CDH18: variants seen among roughly 807,000 people sequenced by gnomAD.
CDH18 encodes cadherin 18.
Under a neutral mutation model 67.9 loss-of-function variants are expected in CDH18, and 31 were observed. The ratio of observed to expected loss-of-function variants is 0.46; its 90% CI spans 0.34 to 0.62. The LOEUF (loss-of-function observed/expected upper bound fraction) is 0.62, where lower values mean the gene tolerates loss of function less well. CDH18 is among the 20% of genes least tolerant of loss of function. The pLI is 0.01. For missense variants in CDH18, 890 were observed against 975.5 expected, an observed-to-expected ratio of 0.91 and a Z score of 1.17; for synonymous variants, 362 against 347.2, an observed-to-expected ratio of 1.04 and a Z score of -0.48.
chr5:19,677,652 T>A (rs1038387726), intron 5 of CDH18, among the ~76,000 whole-genome samples: 5 of 151,818 alleles, frequency 3.3e-5, no homozygotes, highest in Non-Finnish European at 7.4e-5. Context: ...AAGTGTATCC[T>A]GTCTTCAAGA....
At chr5:20,565,656 G>A (rs1280995692) in intron 1 of CDH18, among the ~76,000 whole-genome samples, 7 of 151,746 alleles carry the variant, frequency 4.6e-5, no homozygotes, top group Admixed American at 2.6e-4. Context: ...CTCTAGGTGG[G>A]AGAGAAGTGA....
At chr5:19,827,748 A>C (rs568270129) in intron 3 of CDH18, among the ~76,000 whole-genome samples, 1 of 152,340 alleles carries the variant, frequency 6.6e-6, no homozygotes, top group South Asian at 2.1e-4. Flanking sequence ...CAGTATTAAG[A>C]GAGAAGTTTA....
At chr5:19,802,570 C>A (rs568100326) in intron 3 of CDH18, among the ~76,000 whole-genome samples, 1 of 152,144 alleles carries the variant, frequency 6.6e-6, no homozygotes, top group Admixed American at 6.5e-5. Context: ...AGGCATTATA[C>A]TAGGTATATG....
chr5:19,653,068 T>C (rs191422099), intron 5 of CDH18, among the ~76,000 whole-genome samples: 1 of 152,134 alleles, frequency 6.6e-6, no homozygotes, highest in Admixed American at 6.5e-5. Context: ...TTTCAGCTTC[T>C]GAATAAAACC....
intron 3 of CDH18, among the ~76,000 whole-genome samples, chr5:19,791,882 T>C (rs1038870025): frequency 2.6e-5 from 4 of 152,196 alleles, no homozygotes; most frequent in Non-Finnish European, 5.9e-5. Flanking sequence ...AGTAAGACAT[T>C]TTTCCACCTT....
intron 2 of CDH18, among the ~76,000 whole-genome samples, chr5:20,075,508 A>G (rs1743849316): frequency 6.9e-6 from 1 of 145,792 alleles, no homozygotes; most frequent in Non-Finnish European, 1.5e-5. Context: ...CCTCAAAACA[A>G]ACAAACAAAC....
intron 5 of CDH18, among the ~76,000 whole-genome samples, chr5:19,703,046 T>C (rs918230339): frequency 2.1e-5 from 2 of 96,702 alleles, no homozygotes; most frequent in Non-Finnish European, 5.7e-5. Flanking sequence ...TCAATAAATA[T>C]GTGCGTAAAA....
intron 10 of CDH18, among the ~76,000 whole-genome samples, chr5:19,516,563 C>T (rs1041481655): frequency 1.3e-5 from 2 of 152,116 alleles, no homozygotes; most frequent in African/African-American, 2.4e-5. Context: ...CAACATCTTC[C>T]TGGTTTAGTC....
At position 20,545,177 on chromosome 5, in the gene CDH18, C is replaced by T. The variant is rs184970827; in HGVS notation, c.-580+30285G>A. On this transcript the variant is annotated intron_variant, in intron 1 of 14. Coordinates refer to the CDH18 transcript ENST00000507958. ...CTCCCAAGGCCTTTGGCAACTGTGC[C>T]TCTGTGGCTAGTCAGGGTACAGCCT... Among the ~76,000 whole-genome samples, 5 of 152,314 alleles carry T rather than the reference C, an allele frequency of 3.3e-5. No individual in the cohort carries two copies. In the East Asian group the frequency reaches 5.8e-4, roughly 18 times the overall value.
At chr5:20,426,284 T>C (rs2150167792) in intron 1 of CDH18, among the ~76,000 whole-genome samples, 1 of 151,266 alleles carries the variant, frequency 6.6e-6, no homozygotes, top group South Asian at 2.1e-4. Flanking sequence ...TGATATGCAA[T>C]GCATGATAAT....
chr5:19,820,848 T>C (rs1169115030), intron 3 of CDH18, among the ~76,000 whole-genome samples: 1 of 152,128 alleles, frequency 6.6e-6, no homozygotes, highest in Non-Finnish European at 1.5e-5. Context: ...ATACAGAGCC[T>C]TGGACTCTAA....
intron 1 of CDH18, among the ~76,000 whole-genome samples, chr5:20,568,426 G>T (rs1301505710): frequency 6.6e-6 from 1 of 152,032 alleles, no homozygotes; most frequent in Non-Finnish European, 1.5e-5. Context: ...ACAATACATT[G>T]GTTAGTACTT....
At chr5:20,178,595 T>TC (rs1554099463) in intron 2 of CDH18, among the ~76,000 whole-genome samples, 3,404 of 150,786 alleles carry the variant, frequency 0.023, 117 homozygotes, top group African/African-American at 0.078. Context: ...TTTCTTTCTT[T>TC]TTTTTTTTGT....
At chr5:20,468,053 T>A (rs1202949732) in intron 1 of CDH18, among the ~76,000 whole-genome samples, 1 of 151,908 alleles carries the variant, frequency 6.6e-6, no homozygotes, top group African/African-American at 2.4e-5. Flanking sequence ...CTAACTTTGT[T>A]GCCCAGGCTG....
At position 19,516,886 on chromosome 5, in the gene CDH18, AG is replaced by A. The variant is rs766131682; in HGVS notation, c.1512+3770del. 1.1e-4 allele frequency among the ~76,000 whole-genome samples: 17 copies of A among 152,138 alleles called. No individual in the cohort carries two copies. In the East Asian group the frequency reaches 2.9e-3, roughly 26 times the overall value. ...ATTTGCTTAACCATTCACCTATTGA[AG>A]GATGTCTTTGTTGGTTCCAGTCTGG... On this transcript the variant is annotated intron_variant, in intron 10 of 12. Coordinates refer to ENST00000382275, the MANE Select transcript of CDH18 (RefSeq NM_004934.5).
At chr5:20,307,367 C>T (rs1580716123) in intron 1 of CDH18, among the ~76,000 whole-genome samples, 1 of 151,816 alleles carries the variant, frequency 6.6e-6, no homozygotes, top group African/African-American at 2.4e-5. Flanking sequence ...TGTTAGTAGC[C>T]TATGGAGTAG....
At chr5:19,553,173 T>A (rs939837026) in intron 8 of CDH18, among the ~76,000 whole-genome samples, 1 of 152,172 alleles carries the variant, frequency 6.6e-6, no homozygotes. Context: ...TGATTAGGTA[T>A]ACATTCGTGA....
intron 11 of CDH18, among the ~76,000 whole-genome samples, chr5:19,498,881 G>GT: frequency 6.6e-6 from 1 of 152,184 alleles, no homozygotes. Flanking sequence ...GTCAAGTTAC[G>GT]TATCTCCATC....
intron 2 of CDH18, among the ~76,000 whole-genome samples, chr5:20,189,242 C>T (rs893088459): frequency 3.7e-4 from 56 of 151,950 alleles, no homozygotes; most frequent in African/African-American, 1.3e-3. Context: ...TATACTTCTT[C>T]TTTACTTCCC....
Sources: gnomAD v4.1 joint callset for allele counts (sites outside exome capture counted in the v4.1 genomes callset) on GRCh38, gnomAD v4.1.1 for gene constraint, MANE v1.5 for transcripts, NCBI Gene and HGNC (gene_info 2026-07-23, HGNC 2026-07-21) for gene names.